The following ADRA1B variants were observed in gnomAD, a reference collection of about 807,000 sequenced individuals.
ADRA1B encodes alpha-1B adrenergic receptor.
Under a neutral mutation model 17.9 loss-of-function variants are expected in ADRA1B, and 17 were observed. The observed-to-expected ratio is 0.95, with a 90% CI of 0.65 to 1.42. ADRA1B has a LOEUF of 1.42. Among genes scored for constraint, ADRA1B ranks in the 40% most tolerant of loss-of-function variants. The pLI is 0.00. For missense variants in ADRA1B, 681 were observed against 722.1 expected (o/e 0.94, Z 0.65); for synonymous variants, 366 against 327.6 (o/e 1.12, Z -1.27).
chr5:159,939,457 A>T (rs1755065700), intron 1 of ADRA1B, among the ~76,000 whole-genome samples: 1 of 152,128 alleles, frequency 6.6e-6, no homozygotes, highest in South Asian at 2.1e-4. Context: ...GAATTACCCC[A>T]GGGTGACTTC....
the ADRA1B span, among the ~76,000 whole-genome samples, chr5:159,978,014 G>A: frequency 8.6e-5 from 13 of 151,986 alleles, no homozygotes; most frequent in Non-Finnish European, 1.5e-4. Context: ...CTTCCCTACT[G>A]CCAACACTGT....
At chr5:159,870,542 G>A (rs2113068225) in intron 1 of ADRA1B, 1 of 152,314 alleles carries the variant, frequency 6.6e-6, no homozygotes, top group Non-Finnish European at 1.5e-5. Context: ...AATTCTGCAA[G>A]GGAAGCTGAT....
rs114744957 is a variant in ADRA1B, at chr5:159,927,167, G to A, written c.949+9313G>A. Among the ~76,000 whole-genome samples the A allele has an allele frequency of 3.9e-3, 597 of 152,180 alleles. 2 individuals are homozygous for A. The highest frequency in any genetic ancestry group is 0.014 in the African/African-American group (574 of 41,500). On this transcript the variant is annotated intron_variant, in intron 1 of 1. Coordinates refer to ENST00000306675, the MANE Select transcript of ADRA1B (RefSeq NM_000679.4). Reference sequence around the variant, plus strand: ...GGCTGCCGTTCCACCTGCCTCTGGGGGAGATTGTCCCATTGCCAATTGGCC... The same window carrying A: ...GGCTGCCGTTCCACCTGCCTCTGGGAGAGATTGTCCCATTGCCAATTGGCC...
chr5:159,968,928 C>G (rs944225059), intron 1 of ADRA1B, among the ~76,000 whole-genome samples: 1 of 152,210 alleles, frequency 6.6e-6, no homozygotes, highest in Non-Finnish European at 1.5e-5. Context: ...GGCCAGTTTC[C>G]TATGTTCTTC....
At chr5:159,979,412 T>A in the ADRA1B span, among the ~76,000 whole-genome samples, 1 of 152,228 alleles carries the variant, frequency 6.6e-6, no homozygotes, top group South Asian at 2.1e-4. Context: ...GGATGTAGCA[T>A]GTTTAGTACA....
chr5:159,936,301 G>A (rs936723752), intron 1 of ADRA1B, among the ~76,000 whole-genome samples: 1 of 152,174 alleles, frequency 6.6e-6, no homozygotes, highest in African/African-American at 2.4e-5. Context: ...CAAGCATTCT[G>A]TCACTTTATA....
intron 1 of ADRA1B, among the ~76,000 whole-genome samples, chr5:159,939,302 T>C (rs1179878881): frequency 7.0e-6 from 1 of 143,444 alleles, no homozygotes; most frequent in South Asian, 2.2e-4. Flanking sequence ...TGTGTGTGTG[T>C]GTGTGTGTGT....
intron 1 of ADRA1B, among the ~76,000 whole-genome samples, chr5:159,888,881 C>G (rs899719608): frequency 6.6e-6 from 1 of 152,192 alleles, no homozygotes; most frequent in African/African-American, 2.4e-5. Flanking sequence ...ACCTGAACTT[C>G]GGCTTACATG....
intron 1 of ADRA1B, among the ~76,000 whole-genome samples, chr5:159,919,637 T>C (rs1396747185): frequency 6.6e-6 from 1 of 152,226 alleles, no homozygotes; most frequent in Non-Finnish European, 1.5e-5. Flanking sequence ...TCTTTTCTCC[T>C]TCTCTACACA....
chr5:159,959,426 G>T (rs1755624067), intron 1 of ADRA1B, among the ~76,000 whole-genome samples: 1 of 152,244 alleles, frequency 6.6e-6, no homozygotes, highest in Admixed American at 6.5e-5. Context: ...CAGGCTCTGT[G>T]TTGGGTGCTA....
At position 159,972,223 on chromosome 5, in the gene ADRA1B, G is replaced by A; in HGVS notation, c.1294G>A (p.Gly432Ser). The A allele has an allele frequency of 7.4e-7, 1 of 1,354,448 alleles. No homozygotes were observed. The highest frequency in any genetic ancestry group is 9.5e-7 in the Non-Finnish European group (1 of 1,050,822). 83.9% of individuals were successfully genotyped at this position (1,354,448 alleles called of 1,614,324 possible). ...PSASPSPGYL[G>S]RGAPPPVELC... ...GGCCTCGCCGAGCCCGGGCTACCTG[G>A]GCCGCGGCGCGCCACCGCCAGTCGA... Residue 432 changes from glycine to serine, a missense_variant, in exon 2 of 2, where the codon GGC becomes AGC. By Grantham distance (56) the Gly-to-Ser change is moderately conservative. Coordinates refer to ENST00000306675, the MANE Select transcript of ADRA1B (RefSeq NM_000679.4).
At chr5:159,942,576 T>C (rs1453762350) in intron 1 of ADRA1B, among the ~76,000 whole-genome samples, 1 of 152,122 alleles carries the variant, frequency 6.6e-6, no homozygotes, top group Non-Finnish European at 1.5e-5. Context: ...TCTGGGAGGC[T>C]AAGGCGGGAG....
chr5:159,949,445 T>G (rs1755364429), intron 1 of ADRA1B, among the ~76,000 whole-genome samples: 1 of 152,218 alleles, frequency 6.6e-6, no homozygotes. Flanking sequence ...AATGTACATA[T>G]GCACATCAAA....
intron 1 of ADRA1B, among the ~76,000 whole-genome samples, chr5:159,901,913 G>C (rs1267316520): frequency 6.6e-6 from 1 of 152,132 alleles, no homozygotes; most frequent in African/African-American, 2.4e-5. Flanking sequence ...TTGTAAAGTG[G>C]AACAGCTGCT....
At chr5:159,867,143 G>A (rs1300747027) in intron 1 of ADRA1B, 1 of 152,164 alleles carries the variant, frequency 6.6e-6, no homozygotes, top group African/African-American at 2.4e-5. Context: ...GTTACCAAAT[G>A]TCAAACAGTT....
At chr5:159,878,490 A>G (rs1286030642) in intron 1 of ADRA1B, among the ~76,000 whole-genome samples, 1 of 152,230 alleles carries the variant, frequency 6.6e-6, no homozygotes, top group African/African-American at 2.4e-5. Flanking sequence ...TTCCGCGTGC[A>G]ATCTGTCTGA....
downstream of ADRA1B, among the ~76,000 whole-genome samples, chr5:159,974,081 A>G (rs930791810): frequency 2.0e-5 from 3 of 151,988 alleles, no homozygotes; most frequent in Non-Finnish European, 4.4e-5. Flanking sequence ...GAAAATACTT[A>G]AAGGGGAAAG....
At chr5:159,906,565 T>C (rs1754163578) in intron 1 of ADRA1B, among the ~76,000 whole-genome samples, 1 of 152,238 alleles carries the variant, frequency 6.6e-6, no homozygotes, top group Non-Finnish European at 1.5e-5. Flanking sequence ...AATCTGCATC[T>C]TAAGGCTTGC....
At chr5:159,978,078 C>T in the ADRA1B span, among the ~76,000 whole-genome samples, 4 of 152,236 alleles carry the variant, frequency 2.6e-5, no homozygotes, top group African/African-American at 9.6e-5. Context: ...GTACTTATCA[C>T]CACCTGACAT....
Sources: allele counts gnomAD v4.1 joint callset (sites outside exome capture counted in the v4.1 genomes callset), GRCh38; gene constraint gnomAD v4.1.1; transcripts MANE v1.5; gene names NCBI Gene and HGNC (gene_info 2026-07-23, HGNC 2026-07-21).